COL23A1: variants seen among roughly 807,000 people sequenced by gnomAD.
COL23A1 encodes collagen type XXIII alpha 1 chain.
Under a neutral mutation model 99.3 loss-of-function variants are expected in COL23A1, and 97 were observed. The ratio of observed to expected loss-of-function variants is 0.98; its 90% CI spans 0.83 to 1.16. The LOEUF (loss-of-function observed/expected upper bound fraction) is 1.16, where lower values mean the gene tolerates loss of function less well. COL23A1 is among the 50% of genes most tolerant of loss of function. The pLI, the probability that COL23A1 is intolerant of heterozygous loss-of-function variation, is 0.00. For synonymous variants in COL23A1, 320 were observed against 308.2 expected (o/e 1.04, Z -0.40); for missense variants, 762 against 757.4 (o/e 1.01, Z -0.07).
In COL23A1 at chr5:178,486,872, C is replaced by T. The variant is rs1218028754; in HGVS notation, c.361+73810G>A. On this transcript the variant is annotated intron_variant, in intron 2 of 28. Transcript: ENST00000390654. ...CTGATGCTAAGATGGCGTTTCACAC[C>T]CTGAGTGGGGAAACGAAGGAAACTG... Among the ~76,000 whole-genome samples, 3 of 152,170 alleles carry T rather than the reference C, an allele frequency of 2.0e-5. No individual in the cohort carries two copies. The South Asian group carries it at 6.2e-4, about 32-fold the overall frequency.
At chr5:178,473,098 G>A (rs1318030526) in intron 2 of COL23A1, among the ~76,000 whole-genome samples, 1 of 27,360 alleles carries the variant, frequency 3.7e-5, no homozygotes, top group Non-Finnish European at 9.5e-5. Flanking sequence ...ACTCCAGCCT[G>A]GGTGACAGAG....
rs1285389582 is a variant in COL23A1, at chr5:178,307,850, C to T, written c.362-931G>A. ...CCAGGATCTGGGCTGGGCCTGGAGG[C>T]GACAGTGGGACAGGTTGTGACCCTA... On this transcript the variant is annotated intron_variant, in intron 2 of 28. Transcript: ENST00000390654. The surrounding 1 kb of genome is among the most constrained non-coding windows in gnomAD (Gnocchi z 4.2). Among the ~76,000 whole-genome samples, 5 of 152,192 alleles carry T rather than the reference C, an allele frequency of 3.3e-5. No homozygotes were observed. In the East Asian group the frequency reaches 7.7e-4, roughly 23 times the overall value.
intron 2 of COL23A1, among the ~76,000 whole-genome samples, chr5:178,315,763 T>C (rs78922200): frequency 0.16 from 10,942 of 68,228 alleles, 523 homozygotes; most frequent in South Asian, 0.26. Context: ...AAGCACTGAC[T>C]TTTTTTTTTT....
At chr5:178,587,251 T>C (rs1320300900) in intron 1 of COL23A1, among the ~76,000 whole-genome samples, 1 of 152,228 alleles carries the variant, frequency 6.6e-6, no homozygotes, top group East Asian at 1.9e-4. Flanking sequence ...TCATGGCTCT[T>C]ACTCAGAAAT....
chr5:178,248,069 TC>T (rs1764809398), intron 20 of COL23A1, 122 bp downstream of exon 20: 1 of 772,352 alleles, frequency 1.3e-6, no homozygotes, highest in African/African-American at 1.7e-5. Flanking sequence ...CTCCCCTTAC[TC>T]TCCCTCCCCT....
At chr5:178,348,671 T>C (rs1214982476) in intron 2 of COL23A1, among the ~76,000 whole-genome samples, 3 of 152,222 alleles carry the variant, frequency 2.0e-5, no homozygotes, top group African/African-American at 7.2e-5. Context: ...GAAAGGGGTC[T>C]GCAGAGCCCC....
intron 2 of COL23A1, among the ~76,000 whole-genome samples, chr5:178,516,316 G>A (rs1759513065): frequency 6.6e-6 from 1 of 152,190 alleles, no homozygotes; most frequent in Non-Finnish European, 1.5e-5. Flanking sequence ...CTCGCCCACA[G>A]CCCCACTGAG....
intron 18 of COL23A1, among the ~76,000 whole-genome samples, chr5:178,249,720 T>A (rs59428954): frequency 0.04 from 1,147 of 28,866 alleles, 7 homozygotes; most frequent in African/African-American, 0.078. Flanking sequence ...ACACACACTC[T>A]CTCTCTCTCT....
chr5:178,399,713 C>T (rs1204937654), intron 2 of COL23A1, among the ~76,000 whole-genome samples: 4 of 152,130 alleles, frequency 2.6e-5, no homozygotes, highest in Non-Finnish European at 5.9e-5. Context: ...AAAAACAGAG[C>T]ATCAAAAGGA....
intron 9 of COL23A1, among the ~76,000 whole-genome samples, chr5:178,262,530 G>A (rs1177821261): frequency 3.9e-5 from 6 of 152,120 alleles, no homozygotes; most frequent in Non-Finnish European, 7.4e-5. Context: ...GACTGGGGGG[G>A]GACCCTGGTG....
At chr5:178,422,953 T>G (rs1215563486) in intron 2 of COL23A1, among the ~76,000 whole-genome samples, 1 of 151,986 alleles carries the variant, frequency 6.6e-6, no homozygotes, top group Non-Finnish European at 1.5e-5. Context: ...CAGTTTGAAT[T>G]TTGAAGTTTA....
chr5:178,374,759 A>C (rs1762982507), intron 2 of COL23A1, among the ~76,000 whole-genome samples: 1 of 152,202 alleles, frequency 6.6e-6, no homozygotes, highest in Non-Finnish European at 1.5e-5. Flanking sequence ...GAACCCTCAT[A>C]CATGGCTGGT....
At chr5:178,529,023 A>G (rs1581574001) in intron 2 of COL23A1, among the ~76,000 whole-genome samples, 1 of 152,250 alleles carries the variant, frequency 6.6e-6, no homozygotes, top group East Asian at 1.9e-4. Context: ...TCAGGATTCT[A>G]TGGCCTCGCA....
At chr5:178,426,503 G>A (rs1227875129) in intron 2 of COL23A1, among the ~76,000 whole-genome samples, 1 of 152,202 alleles carries the variant, frequency 6.6e-6, no homozygotes, top group East Asian at 1.9e-4. Flanking sequence ...GCTTCCACCT[G>A]CGATCGCGCT....
intron 3 of COL23A1, among the ~76,000 whole-genome samples, chr5:178,300,584 G>A (rs936881162): frequency 1.5e-4 from 22 of 149,316 alleles, no homozygotes; most frequent in African/African-American, 5.4e-4. Context: ...GAGTCTCACT[G>A]TGTTGTCCAG....
At chr5:178,551,252 T>C (rs937454437) in intron 2 of COL23A1, among the ~76,000 whole-genome samples, 1 of 150,068 alleles carries the variant, frequency 6.7e-6, no homozygotes, top group Non-Finnish European at 1.5e-5. Flanking sequence ...ATTTAATGAG[T>C]ATAATGGGCT....
rs1322216432 is a variant in COL23A1 at position 178,434,718 on chromosome 5, C to G, written c.361+125964G>C. Among the ~76,000 whole-genome samples, 1 of 152,196 alleles carries G rather than the reference C, an allele frequency of 6.6e-6. No individual in the cohort carries two copies. On this transcript the variant is annotated intron_variant, in intron 2 of 28. Coordinates refer to ENST00000390654, the MANE Select transcript of COL23A1 (RefSeq NM_173465.4). This position sits in a 1 kb window ranked among gnomAD's most constrained non-coding sequence, Gnocchi z 4.3. ...GTGCCCCTCTAGAGGCCGGTGCCTC[C>G]CCAACATCTCCACTTCACCGCTGAG...
intron 2 of COL23A1, chr5:178,345,013 C>A: frequency 1.7e-6 from 1 of 575,528 alleles, no homozygotes; most frequent in Admixed American, 2.0e-5. Context: ...CCTCATGAAG[C>A]TGAGGATACT....
intron 5 of COL23A1, among the ~76,000 whole-genome samples, chr5:178,272,959 A>C (rs1192094050): frequency 6.6e-6 from 1 of 152,208 alleles, no homozygotes; most frequent in Non-Finnish European, 1.5e-5. Flanking sequence ...ACGGAGAAGG[A>C]AACTGAGGCC....
Sources: gnomAD v4.1 joint callset for allele counts (sites outside exome capture counted in the v4.1 genomes callset) on GRCh38, gnomAD v4.1.1 for gene constraint, Gnocchi (gnomAD v3.1) non-coding constraint, MANE v1.5 for transcripts, NCBI Gene and HGNC (gene_info 2026-07-23, HGNC 2026-07-21) for gene names.